Variants in MAPK8 observed in about 807,000 individuals in gnomAD.
MAPK8 encodes mitogen-activated protein kinase 8.
A neutral mutation model predicts 52.9 loss-of-function variants in MAPK8; 13 were observed. That is an observed-to-expected ratio of 0.25 (90% CI 0.16 to 0.39). MAPK8 has a LOEUF of 0.39. Among genes scored for constraint, MAPK8 ranks in the 10% least tolerant of loss-of-function variants. The pLI is 1.00. For missense variants in MAPK8, 300 were observed against 519.2 expected, an observed-to-expected ratio of 0.58 and a Z score of 4.10; for synonymous variants, 191 against 169.8, an observed-to-expected ratio of 1.12 and a Z score of -0.97.
At chr10:48,424,048 T>C in intron 6 of MAPK8, 40 bp from the exon 7 acceptor site, 2 of 1,535,606 alleles carry the variant, frequency 1.3e-6, no homozygotes, top group Non-Finnish European at 9.0e-7. Context: ...TTAATGACCT[T>C]TTGCTTTGCT....
chr10:48,430,379 C>CCA (rs756094458), intron 10 of MAPK8: 3 of 152,326 alleles, frequency 2.0e-5, no homozygotes, highest in Non-Finnish European at 4.4e-5. Context: ...CAGGCATGAG[C>CCA]CACCACACAT....
intron 5 of MAPK8, among the ~76,000 whole-genome samples, chr10:48,410,857 C>T (rs549537306): frequency 1.3e-5 from 2 of 152,260 alleles, no homozygotes; most frequent in African/African-American, 4.8e-5. Context: ...TGTGATTTTA[C>T]TTTGCATCTC....
At chr10:48,391,853 G>A (rs1010087129) in intron 1 of MAPK8, among the ~76,000 whole-genome samples, 3 of 152,132 alleles carry the variant, frequency 2.0e-5, no homozygotes, top group Non-Finnish European at 4.4e-5. Context: ...ACAAAACTGA[G>A]GGAAACACCT....
intron 5 of MAPK8, among the ~76,000 whole-genome samples, chr10:48,412,430 C>G (rs941087836): frequency 6.6e-6 from 1 of 152,122 alleles, no homozygotes; most frequent in Non-Finnish European, 1.5e-5. Flanking sequence ...AAAATAGATT[C>G]ATATCTTTTA....
intron 1 of MAPK8, among the ~76,000 whole-genome samples, chr10:48,341,099 T>A (rs944258757): frequency 1.3e-5 from 2 of 152,272 alleles, no homozygotes; most frequent in Non-Finnish European, 2.9e-5. Flanking sequence ...CTCTACCATG[T>A]TAGAAGCAGA....
rs1055139610 is a variant in MAPK8 at position 48,435,540 on chromosome 10, T to C, written c.*511T>C. 2 of 152,284 alleles carry C rather than the reference T, an allele frequency of 1.3e-5. No individual in the cohort carries two copies. Among genetic ancestry groups the C allele is most frequent in the African/African-American group, 4.8e-5 (2 of 41,448 alleles). 9.4% of individuals were successfully genotyped at this position (152,284 alleles called of 1,614,324 possible). A position where few individuals can be genotyped will look rare whatever the true frequency, so the allele number is the denominator to read the frequency against. ...AGGGAAAATAACTTGTAGCCAGTTA[T>C]ATTCAGGAATAACTACTGTAAATGA... On this transcript the variant is annotated 3_prime_UTR_variant, in exon 12 of 12. Coordinates refer to ENST00000374189, the MANE Select transcript of MAPK8 (RefSeq NM_001323329.2).
intron 1 of MAPK8, among the ~76,000 whole-genome samples, chr10:48,369,124 A>G (rs1848326990): frequency 6.6e-6 from 1 of 152,174 alleles, no homozygotes; most frequent in African/African-American, 2.4e-5. Flanking sequence ...AATTCTTAGA[A>G]AGAACCAACT....
intron 1 of MAPK8, among the ~76,000 whole-genome samples, chr10:48,316,439 A>G (rs1455887951): frequency 6.6e-6 from 1 of 152,230 alleles, no homozygotes; most frequent in Non-Finnish European, 1.5e-5. Flanking sequence ...ATTTCTCAGA[A>G]GGTATCCCCG....
Position 48,321,079 on chromosome 10 carries a change from C to A in MAPK8, c.-50+14258C>A, listed in dbSNP as rs1017632785. On this transcript the variant is annotated intron_variant, in intron 1 of 11. Coordinates refer to ENST00000374189, the MANE Select transcript of MAPK8 (RefSeq NM_001323329.2). ...AATTGAGTTATTTATCTTTTTATTA[C>A]GTTGTAAGAGTTTTTTTTTTTTTTT... 7.2e-5 allele frequency among the ~76,000 whole-genome samples: 10 copies of A among 139,264 alleles called. 2 individuals carry two copies. In the Admixed American group the frequency reaches 7.2e-4, roughly 10 times the overall value. The allele number at this position is 139,264 out of a possible 152,430, so 91.4% of individuals were successfully genotyped here.
intron 1 of MAPK8, among the ~76,000 whole-genome samples, chr10:48,380,949 TC>T (rs1342264645): frequency 1.3e-5 from 2 of 152,082 alleles, no homozygotes. Context: ...AGAGTAAGAC[TC>T]CATCAAAGAC....
intron 7 of MAPK8, chr10:48,425,554 T>C (rs919219487): frequency 6.1e-6 from 2 of 327,388 alleles, no homozygotes; most frequent in African/African-American, 4.3e-5. Flanking sequence ...ATTATAGCAT[T>C]GTGTGCAGTT....
At chr10:48,306,981 G>A (rs1251402602) in intron 1 of MAPK8, 160 bp downstream of exon 1, 53 of 152,038 alleles carry the variant, frequency 3.5e-4, no homozygotes, top group Admixed American at 3.5e-3. Context: ...GGGAACAATA[G>A]CGGCGCGGAG....
intron 1 of MAPK8, among the ~76,000 whole-genome samples, chr10:48,309,578 C>G (rs1841768520): frequency 6.6e-6 from 1 of 152,254 alleles, no homozygotes; most frequent in Non-Finnish European, 1.5e-5. Context: ...TGCTCCATGC[C>G]TGATATTATC....
At chr10:48,362,621 C>T (rs1390545105) in intron 1 of MAPK8, among the ~76,000 whole-genome samples, 1 of 151,816 alleles carries the variant, frequency 6.6e-6, no homozygotes, top group African/African-American at 2.4e-5. Context: ...GCGATCTTAC[C>T]ACTAATTTAT....
chr10:48,435,662 C>T lies in MAPK8; in HGVS notation c.*633C>T, dbSNP rs375126595. 2 of 152,260 alleles carry T rather than the reference C, an allele frequency of 1.3e-5. No individual in the cohort carries two copies. The highest frequency in any genetic ancestry group is 2.1e-4 in the South Asian group (1 of 4,824). The allele number at this position is 152,260 out of a possible 1,614,324, so 9.4% of individuals were successfully genotyped here. A position where few individuals can be genotyped will look rare whatever the true frequency, so the allele number is the denominator to read the frequency against. On this transcript the variant is annotated 3_prime_UTR_variant, in exon 12 of 12. Transcript: ENST00000374189. ...TCCTACTTAATTTTGGCAAAAGCCC[C>T]GTCATCTAAATGGCAGAATAACTCA...
intron 1 of MAPK8, among the ~76,000 whole-genome samples, chr10:48,336,943 A>G (rs925159014): frequency 1.3e-5 from 2 of 152,206 alleles, no homozygotes; most frequent in Non-Finnish European, 2.9e-5. Flanking sequence ...CTAGGTATAT[A>G]TGCCATACCC....
chr10:48,348,742 C>T (rs1467955100), intron 1 of MAPK8, among the ~76,000 whole-genome samples: 2 of 152,136 alleles, frequency 1.3e-5, no homozygotes, highest in East Asian at 1.9e-4. Context: ...TTCCATTGGT[C>T]TATATATCTG....
chr10:48,346,481 C>T (rs1387155939), intron 1 of MAPK8, among the ~76,000 whole-genome samples: 3 of 152,216 alleles, frequency 2.0e-5, no homozygotes, highest in Non-Finnish European at 2.9e-5. Flanking sequence ...CGTTACCAGG[C>T]GGATCGTGGT....
At chr10:48,363,768 T>A (rs961297124) in intron 1 of MAPK8, among the ~76,000 whole-genome samples, 1 of 152,210 alleles carries the variant, frequency 6.6e-6, no homozygotes, top group Admixed American at 6.5e-5. Flanking sequence ...GCTTGTAGTT[T>A]CTACTTTGAG....
Sources: gnomAD v4.1 joint callset for allele counts (sites outside exome capture counted in the v4.1 genomes callset) on GRCh38, gnomAD v4.1.1 for gene constraint, MANE v1.5 for transcripts, NCBI Gene and HGNC (gene_info 2026-07-23, HGNC 2026-07-21) for gene names.